S100PBP: variants seen among roughly 807,000 people sequenced by gnomAD.
S100PBP encodes the protein S100P binding protein, also known as S100P-binding protein.
In S100PBP, 15 loss-of-function variants were observed where a neutral mutation model predicts 39.9. That is an observed-to-expected ratio of 0.38 (90% confidence interval 0.25 to 0.58). The LOEUF is 0.58. Ranked by LOEUF, S100PBP falls within the 20% of genes least tolerant of loss-of-function variation. The probability of loss-of-function intolerance (pLI) is 0.70; values close to 1 mark genes in which losing one functional copy is unlikely to be tolerated. For synonymous variants in S100PBP, 178 were observed against 180.3 expected (o/e 0.99, Z 0.10); for missense variants, 504 against 487.3 (o/e 1.03, Z -0.32).
At chr1:32,846,601 T>C (rs993444464) in intron 5 of S100PBP, among the ~76,000 whole-genome samples, 15 of 151,864 alleles carry the variant, frequency 9.9e-5, no homozygotes, top group Admixed American at 1.3e-4. Flanking sequence ...TATTATCTTA[T>C]TAAATTTATT....
intron 5 of S100PBP, among the ~76,000 whole-genome samples, chr1:32,840,531 A>G: frequency 6.7e-6 from 1 of 150,048 alleles, no homozygotes; most frequent in East Asian, 2.0e-4. Flanking sequence ...TAATTTTTGT[A>G]TTTTTAGTAG....
At chr1:32,837,381 G>A (rs942850860) in intron 5 of S100PBP, among the ~76,000 whole-genome samples, 2 of 145,460 alleles carry the variant, frequency 1.4e-5, no homozygotes, top group Non-Finnish European at 3.0e-5. Context: ...CACCTCCCAG[G>A]TTCAAGCAGT....
Position 32,821,581 on chromosome 1 carries a change from A to G in S100PBP, c.-119-3732A>G, listed in dbSNP as rs529024097. Among the ~76,000 whole-genome samples the G allele has an allele frequency of 9.3e-5, 14 of 150,858 alleles. No individual in the cohort carries two copies. The East Asian group carries it at 2.3e-3, about 25-fold the overall frequency. ...GTGATCCGCCCTCCTCGGCCTCCCAAAGTGCTAGGATTACAGGCGTGAGCC... is the reference window on the plus strand; with the variant it reads ...GTGATCCGCCCTCCTCGGCCTCCCAGAGTGCTAGGATTACAGGCGTGAGCC... On this transcript the variant is annotated intron_variant, in intron 1 of 6. Transcript: ENST00000373475.
upstream of S100PBP, among the ~76,000 whole-genome samples, chr1:32,816,590 CA>C (rs1638741362): frequency 6.6e-6 from 1 of 152,138 alleles, no homozygotes; most frequent in Non-Finnish European, 1.5e-5. Context: ...AAATTTGCCA[CA>C]ATTTCTGTTT....
Position 32,832,996 on chromosome 1 carries a change from A to G in S100PBP, c.1024+2929A>G, listed in dbSNP as rs376149578. Among the ~76,000 whole-genome samples, 43 of 148,784 alleles carry G rather than the reference A, an allele frequency of 2.9e-4. 1 individual carries two copies. The South Asian group carries it at 8.0e-3, about 28-fold the overall frequency. On this transcript the variant is annotated intron_variant, in intron 5 of 6. Transcript: ENST00000373475. Reference sequence around the variant, plus strand: ...TTAGTGCCCCATGGGTTTTTTTTTTATAATAACACTTAAAAAGAAATACCA... The same window carrying G: ...TTAGTGCCCCATGGGTTTTTTTTTTGTAATAACACTTAAAAAGAAATACCA...
At chr1:32,828,493 C>A (rs777386262) in intron 4 of S100PBP, among the ~76,000 whole-genome samples, 12 of 151,948 alleles carry the variant, frequency 7.9e-5, no homozygotes, top group Non-Finnish European at 1.5e-4. Context: ...ATACAACTAC[C>A]CTTGCGGAAA....
intron 6 of S100PBP, among the ~76,000 whole-genome samples, chr1:32,854,508 C>T (rs1172174022): frequency 1.3e-5 from 2 of 152,122 alleles, no homozygotes; most frequent in African/African-American, 4.8e-5. Flanking sequence ...ATGTAGAACC[C>T]ATGGATATGG....
At chr1:32,844,853 G>A (rs756936901) in intron 5 of S100PBP, among the ~76,000 whole-genome samples, 5 of 150,936 alleles carry the variant, frequency 3.3e-5, no homozygotes, top group Admixed American at 6.6e-5. Context: ...TTTTGAGATG[G>A]ACTCTCGCTC....
In S100PBP at chr1:32,828,010, G is replaced by A. The variant is rs1378666259; in HGVS notation, c.849G>A (p.Lys283=). ...TSSNKQDVLN[K]DSGKMKGHER... is the part of the protein sequence containing the mutation. ...CAAAAAAGCAGGATGTTCTTAACAAGGATTCTGGGAAGATGAAAGGCCATG... is the reference window on the plus strand; with the variant it reads ...CAAAAAAGCAGGATGTTCTTAACAAAGATTCTGGGAAGATGAAAGGCCATG... Residue 283 remains lysine, a synonymous_variant, in exon 4 of 7, where the codon AAG becomes AAA. Coordinates refer to ENST00000373475, the MANE Select transcript of S100PBP (RefSeq NM_022753.4). 4 of 1,610,696 alleles carry A rather than the reference G, an allele frequency of 2.5e-6. No homozygotes were observed. In the Admixed American group the frequency reaches 6.7e-5, roughly 27 times the overall value.
chr1:32,847,629 C>T (rs1166268939), intron 5 of S100PBP: 6 of 152,142 alleles, frequency 3.9e-5, no homozygotes, highest in Non-Finnish European at 7.3e-5. Flanking sequence ...AAGTGAATTA[C>T]ATAATAACTC....
intron 5 of S100PBP, chr1:32,843,161 T>C (rs1640197908): frequency 6.6e-6 from 1 of 152,256 alleles, no homozygotes; most frequent in East Asian, 1.9e-4. Flanking sequence ...TTAGTAACTT[T>C]TTAATAGATT....
chr1:32,852,032 C>G (rs1640631454), intron 5 of S100PBP, among the ~76,000 whole-genome samples: 1 of 152,098 alleles, frequency 6.6e-6, no homozygotes, highest in Admixed American at 6.6e-5. Flanking sequence ...CCTGGGTCAT[C>G]AAGAATTTCA....
Position 32,830,074 on chromosome 1 carries a change from T to C in S100PBP, c.1024+7T>C. On this transcript the variant is annotated splice_region_variant and intron_variant, in intron 5 of 6. Coordinates refer to ENST00000373475, the MANE Select transcript of S100PBP (RefSeq NM_022753.4). Reference sequence around the variant, plus strand: ...CCAGAGGACACTAACCAAGGTAACATGGTACCCAGAGAAAGGCATATAAAA... The same window carrying C: ...CCAGAGGACACTAACCAAGGTAACACGGTACCCAGAGAAAGGCATATAAAA... 1 of 1,553,968 alleles carries C rather than the reference T, an allele frequency of 6.4e-7. No homozygotes were observed. Among genetic ancestry groups the C allele is most frequent in the Non-Finnish European group, 8.9e-7 (1 of 1,126,034 alleles).
intron 5 of S100PBP, chr1:32,847,316 A>T (rs929455244): frequency 6.6e-6 from 1 of 152,132 alleles, no homozygotes; most frequent in African/African-American, 2.4e-5. Flanking sequence ...CATTTAAAAA[A>T]CTTTTTATTT....
chr1:32,833,982 G>T (rs1341593681), intron 5 of S100PBP: 2 of 274,378 alleles, frequency 7.3e-6, no homozygotes, highest in South Asian at 3.9e-5. Context: ...TAGTAATGCT[G>T]CAGTGAACAT....
chr1:32,843,691 G>C (rs1387483160), intron 5 of S100PBP, among the ~76,000 whole-genome samples: 1 of 152,030 alleles, frequency 6.6e-6, no homozygotes, highest in Non-Finnish European at 1.5e-5. Context: ...GACCTCAAGT[G>C]ATCCGACCAC....
chr1:32,821,462 T>C (rs778086482), intron 1 of S100PBP, among the ~76,000 whole-genome samples: 10 of 150,466 alleles, frequency 6.6e-5, no homozygotes, highest in Non-Finnish European at 1.3e-4. Flanking sequence ...GCTGGGGTTA[T>C]AGGTGCGCGC....
intron 1 of S100PBP, among the ~76,000 whole-genome samples, chr1:32,822,489 TGCAGTCCCAGCTACTCGGGAG>T (rs1425421985): frequency 6.6e-6 from 1 of 151,798 alleles, no homozygotes; most frequent in Non-Finnish European, 1.5e-5. Flanking sequence ...GGCGGGCGCC[TGCAGTCCCAGCTACTCGGGAG>T]GCTGAGTGAA....
At chr1:32,839,302 C>T (rs951846878) in intron 5 of S100PBP, among the ~76,000 whole-genome samples, 2 of 152,202 alleles carry the variant, frequency 1.3e-5, no homozygotes, top group South Asian at 4.1e-4. Flanking sequence ...TTTGTTGTTG[C>T]ATGTGTCAGA....
Sources: allele counts gnomAD v4.1 joint callset (sites outside exome capture counted in the v4.1 genomes callset), GRCh38; gene constraint gnomAD v4.1.1; transcripts MANE v1.5; gene names NCBI Gene and HGNC (gene_info 2026-07-23, HGNC 2026-07-21).